FRAS1: variants seen among roughly 807,000 people sequenced by gnomAD.
The protein encoded by FRAS1 is Fraser extracellular matrix complex subunit 1.
A neutral mutation model predicts 435.2 loss-of-function variants in FRAS1; 290 were observed. That is an observed-to-expected ratio of 0.67 (90% CI 0.61 to 0.73). FRAS1 has a LOEUF of 0.73. Ranked by LOEUF, FRAS1 falls within the 30% of genes least tolerant of loss-of-function variation. The pLI is 0.00. For missense variants in FRAS1, 4,860 were observed against 5,001.5 expected, an observed-to-expected ratio of 0.97 and a Z score of 0.85; for synonymous variants, 1,800 against 1,851.0, an observed-to-expected ratio of 0.97 and a Z score of 0.71.
chr4:78,339,478 A>G (rs1730313633), intron 20 of FRAS1, among the ~76,000 whole-genome samples: 1 of 152,246 alleles, frequency 6.6e-6, no homozygotes, highest in Non-Finnish European at 1.5e-5. Flanking sequence ...GGGCTGTAGG[A>G]GTTCAAGGTA....
intron 2 of FRAS1, among the ~76,000 whole-genome samples, chr4:78,215,786 T>C (rs116641628): frequency 0.023 from 3,516 of 152,352 alleles, 135 homozygotes; most frequent in African/African-American, 0.079. Context: ...ATATCAGAGT[T>C]TTCCTTCCTA....
chr4:78,114,818 T>A lies in FRAS1; in HGVS notation c.108+48802T>A, dbSNP rs11728528. Among the ~76,000 whole-genome samples the A allele has an allele frequency of 1.4e-4, 21 of 152,340 alleles. No individual in the cohort carries two copies. The East Asian group carries it at 4.1e-3, about 29-fold the overall frequency. On this transcript the variant is annotated intron_variant, in intron 2 of 73. Coordinates refer to ENST00000512123, the MANE Select transcript of FRAS1 (RefSeq NM_025074.7). ...CTCTTTTCCTAATTGAAAAATCCCT[T>A]ATTTCCTTCTCCTGCCTGATTGCCC...
intron 33 of FRAS1, among the ~76,000 whole-genome samples, chr4:78,420,181 C>T (rs1344338055): frequency 6.6e-6 from 1 of 152,176 alleles, no homozygotes; most frequent in Non-Finnish European, 1.5e-5. Context: ...AAATGTAATC[C>T]TGTCACATTA....
chr4:78,469,792 T>G (rs1014445218), intron 50 of FRAS1, among the ~76,000 whole-genome samples, 186 bp from the exon 51 acceptor site: 1 of 152,150 alleles, frequency 6.6e-6, no homozygotes, highest in African/African-American at 2.4e-5. Flanking sequence ...TTGTTCTCAC[T>G]CTATCATTCA....
intron 29 of FRAS1, among the ~76,000 whole-genome samples, chr4:78,393,632 A>G (rs1437960850): frequency 6.6e-6 from 1 of 152,062 alleles, no homozygotes; most frequent in East Asian, 1.9e-4. Flanking sequence ...TTAAGGCTGA[A>G]TAATATTCCA....
intron 2 of FRAS1, among the ~76,000 whole-genome samples, chr4:78,083,626 G>GTT (rs35633131): frequency 0.14 from 14,667 of 108,170 alleles, 1,812 homozygotes; most frequent in Non-Finnish European, 0.17. Context: ...TGCAAGTTCT[G>GTT]TTTTTTTTTT....
rs549513493 is a variant in FRAS1 at position 78,522,752 on chromosome 4, C to T, written c.10752C>T (p.Ser3584=). ...GIEFDLQLLW[S]AQTFDSPHQL... is the part of the protein sequence containing the mutation. ...AATTTGACTTGCAGCTATTATGGAGCGCTCAGACTTTTGATTCTCCACATC... is the reference window on the plus strand; with the variant it reads ...AATTTGACTTGCAGCTATTATGGAGTGCTCAGACTTTTGATTCTCCACATC... The change falls in exon 69 of 74, where the codon AGC becomes AGT. Residue 3584 remains serine, a synonymous_variant. Transcript: ENST00000512123. The T allele has an allele frequency of 1.4e-5, 23 of 1,612,256 alleles. No homozygotes were observed. Among genetic ancestry groups the T allele is most frequent in the African/African-American group, 2.7e-5 (2 of 74,978 alleles).
Position 78,376,003 on chromosome 4 carries a change from A to G in FRAS1, c.3292+124A>G, listed in dbSNP as rs1731745599. On this transcript the variant is annotated intron_variant, in intron 26 of 73. Coordinates refer to ENST00000512123, the MANE Select transcript of FRAS1 (RefSeq NM_025074.7). ...CAGCATTCCCAATTTGGGAAAACCC[A>G]TGGTGCTACTAAGGAGTAAGGGACT... is the stretch of plus-strand genomic sequence containing the variant. 6 of 1,084,754 alleles carry G rather than the reference A, an allele frequency of 5.5e-6. No individual in the cohort carries two copies. In the Admixed American group the frequency reaches 6.2e-5, roughly 11 times the overall value. 67.2% of individuals were successfully genotyped at this position (1,084,754 alleles called of 1,614,324 possible).
intron 47 of FRAS1, among the ~76,000 whole-genome samples, chr4:78,452,649 A>G (rs1366812791): frequency 6.6e-6 from 1 of 152,208 alleles, no homozygotes; most frequent in Non-Finnish European, 1.5e-5. Context: ...CCTGCTTTTC[A>G]TCTATACTCC....
At chr4:78,370,585 T>C (rs1053597853) in intron 23 of FRAS1, among the ~76,000 whole-genome samples, 2 of 152,186 alleles carry the variant, frequency 1.3e-5, no homozygotes, top group Non-Finnish European at 2.9e-5. Context: ...GAAGATACAT[T>C]ACTTTCCTGG....
Position 78,333,375 on chromosome 4 carries a change from C to T in FRAS1, c.2241C>T (p.Cys747=). The change falls in exon 19 of 74, where the codon TGC becomes TGT. Residue 747 remains cysteine, a synonymous_variant. Coordinates refer to ENST00000512123, the MANE Select transcript of FRAS1 (RefSeq NM_025074.7). ...VLLDGQCLSQ[C]PDGYFHQEGS... is the part of the protein sequence containing the mutation. ...TGGATGGGCAGTGCCTCTCCCAGTG[C>T]CCAGATGGCTACTTTCACCAGGAAG... 1 of 1,611,814 alleles carries T rather than the reference C, an allele frequency of 6.2e-7. No homozygotes were observed. Among genetic ancestry groups the T allele is most frequent in the Non-Finnish European group, 8.5e-7 (1 of 1,179,006 alleles).
chr4:78,271,776 C>T (rs7698625), intron 9 of FRAS1, among the ~76,000 whole-genome samples: 88,025 of 152,004 alleles, frequency 0.58, 26,101 homozygotes, highest in Middle Eastern at 0.68. Context: ...AATAAACATA[C>T]GTGTGCATGT....
chr4:78,511,172 A>G (rs2109884291), intron 63 of FRAS1, 102 bp from the exon 64 acceptor site: 1 of 933,842 alleles, frequency 1.1e-6, no homozygotes, highest in Non-Finnish European at 1.6e-6. Context: ...AAATCAATGG[A>G]TGGGTGGATG....
Position 78,539,445 on chromosome 4 carries a change from G to A in FRAS1, c.11445+5G>A. On this transcript the variant is annotated splice_donor_5th_base_variant and intron_variant, in intron 73 of 73. Transcript: ENST00000512123. ...AAAGTAGATGCACTCTATAAGGTGAGTTTGGTGAGAAGAACAGAAGCTTAA... is the reference window on the plus strand; with the variant it reads ...AAAGTAGATGCACTCTATAAGGTGAATTTGGTGAGAAGAACAGAAGCTTAA... 6.4e-7 allele frequency: 1 copy of A among 1,572,284 alleles called. No individual in the cohort carries two copies. Among genetic ancestry groups the A allele is most frequent in the Non-Finnish European group, 8.6e-7 (1 of 1,156,784 alleles).
intron 2 of FRAS1, among the ~76,000 whole-genome samples, chr4:78,192,516 G>A (rs941140076): frequency 1.3e-4 from 20 of 152,134 alleles, no homozygotes; most frequent in African/African-American, 4.6e-4. Flanking sequence ...TGTATGTGTC[G>A]AAGAATTTAT....
At chr4:78,104,852 C>A (rs1385433039) in intron 2 of FRAS1, among the ~76,000 whole-genome samples, 2 of 152,196 alleles carry the variant, frequency 1.3e-5, no homozygotes, top group Non-Finnish European at 2.9e-5. Flanking sequence ...TCCTGCAACA[C>A]TTTTCTATTA....
chr4:78,521,508 T>G lies in FRAS1; in HGVS notation c.10541-15T>G, dbSNP rs935776708. On this transcript the variant is annotated splice_polypyrimidine_tract_variant and intron_variant, in intron 67 of 73. Coordinates refer to ENST00000512123, the MANE Select transcript of FRAS1 (RefSeq NM_025074.7). ...TTTCCATGCCCTAGCATTTTCTCTC[T>G]GCTTTCCTGCCCAGGAATCCAGACA... 1.2e-6 allele frequency: 2 copies of G among 1,600,194 alleles called. No individual in the cohort carries two copies. The highest frequency in any genetic ancestry group is 1.7e-6 in the Non-Finnish European group (2 of 1,170,132).
Position 78,411,108 on chromosome 4 carries a change from A to ATTTTTT in FRAS1, c.4309-1858_4309-1853dup, listed in dbSNP as rs369399937. On this transcript the variant is annotated intron_variant, in intron 31 of 73. Transcript: ENST00000512123. ...AAATGCAGTATAATGAGTTGCATGGATTTTTTTTCTTTTTTTTTCTGAGAC... is the reference window on the plus strand; with the variant it reads ...AAATGCAGTATAATGAGTTGCATGGATTTTTTTTTTTTTTCTTTTTTTTTCTGAGAC... 1.2e-4 allele frequency among the ~76,000 whole-genome samples: 17 copies of ATTTTTT among 142,904 alleles called. 1 individual carries two copies. Among genetic ancestry groups the ATTTTTT allele is most frequent in the Non-Finnish European group, 9.1e-5 (6 of 65,968 alleles). 93.8% of individuals were successfully genotyped at this position (142,904 alleles called of 152,430 possible). A position where few individuals can be genotyped will look rare whatever the true frequency, so the allele number is the denominator to read the frequency against.
intron 38 of FRAS1, among the ~76,000 whole-genome samples, chr4:78,435,438 A>C (rs577592116): frequency 6.6e-6 from 1 of 152,310 alleles, no homozygotes; most frequent in Admixed American, 6.5e-5. Flanking sequence ...ATGGAACTGT[A>C]ATATAAAACA....
Sources: allele counts gnomAD v4.1 joint callset (sites outside exome capture counted in the v4.1 genomes callset), GRCh38; gene constraint gnomAD v4.1.1; transcripts MANE v1.5; gene names NCBI Gene and HGNC (gene_info 2026-07-23, HGNC 2026-07-21).